PHTF1: variants seen among roughly 807,000 people sequenced by gnomAD.
PHTF1 encodes the protein protein PHTF1.
PHTF1 carries 88 observed loss-of-function variants against 102.4 expected under a neutral mutation model. The ratio of observed to expected loss-of-function variants is 0.86; its 90% CI spans 0.72 to 1.03. The LOEUF is 1.03. Among genes scored for constraint, PHTF1 ranks in the 50% least tolerant of loss-of-function variants. The probability of loss-of-function intolerance (pLI) is 0.00; values close to 1 mark genes in which losing one functional copy is unlikely to be tolerated. For missense variants in PHTF1, 814 were observed against 909.5 expected, an observed-to-expected ratio of 0.89 and a Z score of 1.35; for synonymous variants, 289 against 305.2, an observed-to-expected ratio of 0.95 and a Z score of 0.55.
intron 7 of PHTF1, among the ~76,000 whole-genome samples, chr1:113,721,790 T>C (rs1320809578): frequency 1.3e-5 from 2 of 152,004 alleles, no homozygotes; most frequent in Admixed American, 6.5e-5. Flanking sequence ...CCCGGATTCA[T>C]GCCATTCTGC....
intron 7 of PHTF1, among the ~76,000 whole-genome samples, chr1:113,716,503 T>C (rs535214956): frequency 4.3e-4 from 65 of 152,032 alleles, no homozygotes; most frequent in Non-Finnish European, 7.5e-4. Flanking sequence ...GGTCACCACA[T>C]CCAGCTGATT....
At chr1:113,726,058 A>C (rs1484752237) in intron 6 of PHTF1, 2 of 162,560 alleles carry the variant, frequency 1.2e-5, no homozygotes, top group Non-Finnish European at 2.7e-5. Context: ...GCGCTAACCA[A>C]ATGTACCAAG....
intron 15 of PHTF1, among the ~76,000 whole-genome samples, chr1:113,703,405 C>T (rs764647912): frequency 6.6e-6 from 1 of 152,200 alleles, no homozygotes; most frequent in Non-Finnish European, 1.5e-5. Context: ...CACGGAAGTG[C>T]TTTACAAAAA....
chr1:113,709,335 C>T (rs1021332671), intron 11 of PHTF1, among the ~76,000 whole-genome samples: 3 of 152,074 alleles, frequency 2.0e-5, no homozygotes, highest in African/African-American at 7.2e-5. Context: ...AAATGTATAA[C>T]CTAAATCAAT....
intron 5 of PHTF1, among the ~76,000 whole-genome samples, chr1:113,731,536 T>A (rs1111694): frequency 0.99 from 149,203 of 151,044 alleles, 73,682 homozygotes; most frequent in East Asian, 1. Flanking sequence ...GTCTCTATTT[T>A]AAAAAAAAGA....
intron 8 of PHTF1, 91 bp from the exon 9 acceptor site, chr1:113,712,204 A>G: frequency 2.0e-6 from 2 of 1,010,192 alleles, no homozygotes; most frequent in Admixed American, 2.6e-5. Context: ...TCATACAAAA[A>G]CTACCAAGCA....
chr1:113,700,896 CA>C lies in PHTF1; in HGVS notation c.1943del (p.Leu648Ter). The C allele has an allele frequency of 6.2e-7, 1 of 1,612,934 alleles. No individual in the cohort carries two copies. The highest frequency in any genetic ancestry group is 8.5e-7 in the Non-Finnish European group (1 of 1,179,586). On this transcript the variant is annotated frameshift_variant, in exon 16 of 19. Transcript: ENST00000369604. LOFTEE classifies it high-confidence loss of function. ...AAAGTAGTAAAGCTGTTTCCCAGATCAAAAACTCCCAGTTATAAGCATCATT... is the reference window on the plus strand; with the variant it reads ...AAAGTAGTAAAGCTGTTTCCCAGATCAAAACTCCCAGTTATAAGCATCATT... Reference protein sequence around the residue: ...FLNDAYNWEFLIWETALLLFL... With the variant: ...FLNDAYNWEFXIWETALLLFL...
chr1:113,723,330 A>G (rs1653299740), intron 7 of PHTF1, among the ~76,000 whole-genome samples: 1 of 152,122 alleles, frequency 6.6e-6, no homozygotes, highest in Non-Finnish European at 1.5e-5. Flanking sequence ...GGTGCCCACC[A>G]CCACGCCCGG....
chr1:113,723,518 A>G (rs1008734074), intron 7 of PHTF1, among the ~76,000 whole-genome samples: 1 of 152,344 alleles, frequency 6.6e-6, no homozygotes, highest in African/African-American at 2.4e-5. Flanking sequence ...AAGAACATAC[A>G]TTAGAGAAAG....
chr1:113,698,646 C>T (rs868737098), intron 17 of PHTF1, among the ~76,000 whole-genome samples: 4 of 143,716 alleles, frequency 2.8e-5, no homozygotes, highest in African/African-American at 7.4e-5. Flanking sequence ...CACACACACA[C>T]ACACACACAC....
In PHTF1 at chr1:113,721,973, C is replaced by T. The variant is rs1314374088; in HGVS notation, c.623+2786G>A. On this transcript the variant is annotated intron_variant, in intron 7 of 18. Transcript: ENST00000369604. ...CCTCCCAAAGTGCTGGGATTACAGGCGTGAGCCACTGCGCCCAGCCAAAAA... is the reference window on the plus strand; with the variant it reads ...CCTCCCAAAGTGCTGGGATTACAGGTGTGAGCCACTGCGCCCAGCCAAAAA... 5.3e-5 allele frequency among the ~76,000 whole-genome samples: 8 copies of T among 151,540 alleles called. No individual in the cohort carries two copies. The East Asian group carries it at 1.2e-3, about 22-fold the overall frequency.
chr1:113,701,826 TAAAAAAAAAAAAAAA>T lies in PHTF1; in HGVS notation c.1891-892_1891-878del, dbSNP rs34844793. ...TGGCAACCTGGAATTCAATTCCTGG[TAAAAAAAAAAAAAAA>T]AAAAAAAAAAAAAAAAAATCATTCA... On this transcript the variant is annotated intron_variant, in intron 15 of 18. Coordinates refer to ENST00000369604, the MANE Select transcript of PHTF1 (RefSeq NM_001323043.2). Among the ~76,000 whole-genome samples, 129 of 28,010 alleles carry T rather than the reference TAAAAAAAAAAAAAAA, an allele frequency of 4.6e-3. 1 individual carries two copies. Among genetic ancestry groups the T allele is most frequent in the Non-Finnish European group, 6.0e-3 (91 of 15,206 alleles). The allele number at this position is 28,010 out of a possible 152,430, so 18.4% of individuals were successfully genotyped here.
At chr1:113,717,548 A>C (rs1400059882) in intron 7 of PHTF1, among the ~76,000 whole-genome samples, 2 of 152,162 alleles carry the variant, frequency 1.3e-5, no homozygotes. Flanking sequence ...AATAGAAACT[A>C]AAAATTAGCA....
chr1:113,734,396 G>C (rs956288324), intron 5 of PHTF1, among the ~76,000 whole-genome samples: 1 of 152,354 alleles, frequency 6.6e-6, no homozygotes, highest in African/African-American at 2.4e-5. Flanking sequence ...AGTCCATTCT[G>C]ATGAGGTCTC....
At chr1:113,709,680 T>C (rs757163063) in intron 11 of PHTF1, among the ~76,000 whole-genome samples, 6 of 152,194 alleles carry the variant, frequency 3.9e-5, no homozygotes, top group Non-Finnish European at 5.9e-5. Flanking sequence ...CTTTATATTA[T>C]CTCATTAGCT....
intron 3 of PHTF1, among the ~76,000 whole-genome samples, chr1:113,749,313 T>C (rs933258972): frequency 1.3e-5 from 2 of 152,174 alleles, no homozygotes; most frequent in Non-Finnish European, 2.9e-5. Context: ...GCAAGCTCAG[T>C]GTGCAATGCG....
chr1:113,736,836 AT>A (rs1430769640), intron 5 of PHTF1, among the ~76,000 whole-genome samples: 2 of 152,186 alleles, frequency 1.3e-5, no homozygotes, highest in Non-Finnish European at 2.9e-5. Context: ...GAAATAGGAG[AT>A]GATGTCTGAG....
chr1:113,743,347 C>T (rs975322069), intron 3 of PHTF1, among the ~76,000 whole-genome samples: 1 of 151,964 alleles, frequency 6.6e-6, no homozygotes, highest in Non-Finnish European at 1.5e-5. Flanking sequence ...ATATCTTGTC[C>T]TACTGTAGGG....
intron 3 of PHTF1, among the ~76,000 whole-genome samples, chr1:113,739,785 A>G (rs1315514100): frequency 6.6e-6 from 1 of 152,160 alleles, no homozygotes; most frequent in African/African-American, 2.4e-5. Flanking sequence ...CTCTACTTCT[A>G]TGAGATCAAC....
Sources: gnomAD v4.1 joint callset for allele counts (sites outside exome capture counted in the v4.1 genomes callset) on GRCh38, gnomAD v4.1.1 for gene constraint, MANE v1.5 for transcripts, NCBI Gene and HGNC (gene_info 2026-07-23, HGNC 2026-07-21) for gene names.